Variants in SSU72L3 observed in about 807,000 individuals in gnomAD.
SSU72L3 encodes the protein SSU72 like 3, also known as RNA polymerase II subunit A C-terminal domain phosphatase SSU72 like protein 3.
chr11:4,330,112 A>C, the SSU72L3 span: 2 of 752,984 alleles, frequency 2.7e-6, no homozygotes, highest in Non-Finnish European at 4.9e-6. Flanking sequence ...GGAATCTTAC[A>C]CATCTTGGGA....
At chr11:4,330,032 T>G in the SSU72L3 span, 2 of 776,074 alleles carry the variant, frequency 2.6e-6, 1 homozygote, top group African/African-American at 3.4e-5. Flanking sequence ...TAGTTTATGA[T>G]TTTGCAACAA....
the SSU72L3 span, chr11:4,330,018 C>T: frequency 2.6e-6 from 2 of 774,768 alleles, no homozygotes; most frequent in South Asian, 1.4e-5. Context: ...ACCCAATCGT[C>T]CTGTAGTTTA....
chr11:4,329,966 G>T, the SSU72L3 span: 1 of 750,732 alleles, frequency 1.3e-6, no homozygotes, highest in Non-Finnish European at 2.5e-6. Flanking sequence ...TAAGTGTCCG[G>T]TCTTTTGGAA....
At chr11:4,330,038 A>G in the SSU72L3 span, 1 of 776,680 alleles carries the variant, frequency 1.3e-6, no homozygotes, top group Non-Finnish European at 2.4e-6. Flanking sequence ...ATGATTTTGC[A>G]ACAACATATA....
chr11:4,329,976 A>T, the SSU72L3 span: 48 of 755,654 alleles, frequency 6.4e-5, no homozygotes, highest in Admixed American at 4.5e-4. Context: ...GTCTTTTGGA[A>T]CTGAATCTCA....
At chr11:4,330,385 A>G in the SSU72L3 span, 2 of 758,526 alleles carry the variant, frequency 2.6e-6, no homozygotes, top group Admixed American at 3.5e-5. Context: ...AATCTGGAGG[A>G]GCTGCTGTTG....
chr11:4,329,910 G>A, the SSU72L3 span: 2 of 730,662 alleles, frequency 2.7e-6, no homozygotes, highest in Middle Eastern at 3.6e-4. Flanking sequence ...CGTGAGCAAT[G>A]TCAACAGGAG....
chr11:4,330,059 C>A, the SSU72L3 span: 3 of 776,284 alleles, frequency 3.9e-6, no homozygotes, highest in Non-Finnish European at 7.2e-6. Flanking sequence ...AGCAGATGTA[C>A]AATGACCTCC....
chr11:4,330,597 C>A, the SSU72L3 span: 6 of 539,668 alleles, frequency 1.1e-5, 1 homozygote, highest in Non-Finnish European at 1.3e-5. Context: ...GAGACTATTA[C>A]CAAGAAAATA....
At chr11:4,330,582 G>A in the SSU72L3 span, 2 of 548,722 alleles carry the variant, frequency 3.6e-6, no homozygotes, top group Non-Finnish European at 3.2e-6. Context: ...CACATCACCT[G>A]GAAAGAGACT....
At chr11:4,330,062 T>C in the SSU72L3 span, 1 of 776,328 alleles carries the variant, frequency 1.3e-6, no homozygotes, top group Non-Finnish European at 2.4e-6. Context: ...AGATGTACAA[T>C]GACCTCCTCA....
At chr11:4,330,371 A>G in the SSU72L3 span, 1 of 761,090 alleles carries the variant, frequency 1.3e-6, no homozygotes, top group Admixed American at 1.7e-5. Context: ...ACGACATAGA[A>G]GACAATCTGG....
the SSU72L3 span, chr11:4,330,384 G>A: frequency 2.6e-6 from 2 of 758,740 alleles, no homozygotes; most frequent in East Asian, 4.9e-5. Context: ...CAATCTGGAG[G>A]AGCTGCTGTT....
At chr11:4,329,877 C>T in the SSU72L3 span, 2 of 720,912 alleles carry the variant, frequency 2.8e-6, no homozygotes, top group Non-Finnish European at 5.1e-6. Context: ...GCTCTCCTCC[C>T]CACTCAGGGT....
chr11:4,330,302 A>G, the SSU72L3 span: 3 of 760,908 alleles, frequency 3.9e-6, no homozygotes, highest in Non-Finnish European at 7.2e-6. Context: ...ATACCCTGGA[A>G]GATGCCACCC....
chr11:4,330,060 A>G, the SSU72L3 span: 1 of 776,602 alleles, frequency 1.3e-6, no homozygotes, highest in Non-Finnish European at 2.4e-6. Flanking sequence ...GCAGATGTAC[A>G]ATGACCTCCT....
the SSU72L3 span, chr11:4,330,243 G>A: frequency 1.3e-6 from 1 of 743,076 alleles, no homozygotes; most frequent in Non-Finnish European, 2.5e-6. Flanking sequence ...GTGTTCCAGA[G>A]AACAGCAGAC....
At chr11:4,330,295 C>T in the SSU72L3 span, 28 of 758,678 alleles carry the variant, frequency 3.7e-5, no homozygotes, top group Middle Eastern at 5.7e-4. Context: ...ATCCAAGATA[C>T]CCTGGAAGAT....
chr11:4,330,420 A>T, the SSU72L3 span: 24 of 709,064 alleles, frequency 3.4e-5, no homozygotes, highest in East Asian at 5.3e-4. Context: ...GGCAGGAAAA[A>T]GCTTTCTTCA....
Sources: gnomAD v4.1 joint callset for allele counts on GRCh38, gnomAD v4.1.1 for gene constraint, MANE v1.5 for transcripts, NCBI Gene and HGNC (gene_info 2026-07-23, HGNC 2026-07-21) for gene names.